CDKL5: variants seen among roughly 807,000 people sequenced by gnomAD.
CDKL5 encodes cyclin-dependent kinase-like 5.
Under a neutral mutation model 61.7 loss-of-function variants are expected in CDKL5, and 8 were observed. The observed-to-expected ratio is 0.13, with a 90% CI of 0.08 to 0.23. The LOEUF (loss-of-function observed/expected upper bound fraction) is 0.23, where lower values mean the gene tolerates loss of function less well. Among genes scored for constraint, CDKL5 ranks in the 10% least tolerant of loss-of-function variants. CDKL5 has a pLI of 1.00. For synonymous variants in CDKL5, 275 were observed against 272.3 expected (o/e 1.01, Z -0.10); for missense variants, 440 against 734.5 (o/e 0.60, Z 4.63).
chrX:18,608,430 G>T (rs183856098), intron 12 of CDKL5, among the ~76,000 whole-genome samples: 70 of 111,848 alleles, frequency 6.3e-4, no homozygotes, highest in African/African-American at 2.2e-3. Context: ...GTTCATTTTG[G>T]AGAACTCAGA....
At chrX:18,611,461 T>G (rs1926551828) in intron 14 of CDKL5, among the ~76,000 whole-genome samples, 1 of 109,771 alleles carries the variant, frequency 9.1e-6, no homozygotes, top group Non-Finnish European at 1.9e-5. Flanking sequence ...AAAAAAGAAT[T>G]TTATGGGACT....
chrX:18,461,858 C>A (rs898173870), intron 1 of CDKL5, among the ~76,000 whole-genome samples: 2 of 111,836 alleles, frequency 1.8e-5, no homozygotes, highest in African/African-American at 6.5e-5. Context: ...TACCATGATA[C>A]AAGACCAACT....
chrX:18,558,661 C>T (rs1434305992), intron 3 of CDKL5, among the ~76,000 whole-genome samples: 2 of 111,505 alleles, frequency 1.8e-5, no homozygotes, highest in Non-Finnish European at 3.8e-5. Flanking sequence ...CCAAATCAGG[C>T]CAGATATCCA....
intron 1 of CDKL5, among the ~76,000 whole-genome samples, chrX:18,494,042 G>A (rs1046442123): frequency 9.0e-6 from 1 of 110,684 alleles, no homozygotes; most frequent in African/African-American, 3.3e-5. Flanking sequence ...AGCCTCCTGA[G>A]TAGCTGGGAG....
rs780312054 is a variant in CDKL5, at chrX:18,478,019, G to A, written c.-162-28916G>A. Among the ~76,000 whole-genome samples, 185 of 110,975 alleles carry A rather than the reference G, an allele frequency of 1.7e-3. 1 individual carries two copies. The highest frequency in any genetic ancestry group is 0.014 in the Middle Eastern group (3 of 214). On this transcript the variant is annotated intron_variant, in intron 1 of 17. Transcript: ENST00000623535. ...TTTAGTGGCCCTTTAACAAAAATTCGTGTGGAGTCATGTTACTGTCTAGTG... is the reference window on the plus strand; with the variant it reads ...TTTAGTGGCCCTTTAACAAAAATTCATGTGGAGTCATGTTACTGTCTAGTG...
At chrX:18,597,391 G>C (rs1242655060) in intron 10 of CDKL5, among the ~76,000 whole-genome samples, 4 of 109,573 alleles carry the variant, frequency 3.7e-5, no homozygotes, top group Non-Finnish European at 7.6e-5. Flanking sequence ...TTTAGTGGGG[G>C]TACAGGTCAC....
intron 20 of CDKL5, chrX:18,647,285 G>C (rs1295195025): frequency 8.3e-7 from 1 of 1,208,732 alleles, no homozygotes; most frequent in African/African-American, 1.8e-5. Context: ...ATCTGGTCCG[G>C]TGTGACCTCC....
At chrX:18,458,915 G>A (rs144580334) in intron 1 of CDKL5, among the ~76,000 whole-genome samples, 242 of 111,431 alleles carry the variant, frequency 2.2e-3, no homozygotes, top group African/African-American at 6.7e-3. Flanking sequence ...CTGGAGGGTT[G>A]GAAAAGCTTT....
Position 18,629,127 on chromosome X carries a change from G to A in CDKL5, c.*370G>A. 3.8e-6 allele frequency: 3 copies of A among 784,066 alleles called. No individual in the cohort carries two copies. The highest frequency in any genetic ancestry group is 4.4e-5 in the African/African-American group (2 of 44,958). The allele number at this position is 784,066 out of a possible 1,213,427, so 64.6% of individuals were successfully genotyped here. On this transcript the variant is annotated 3_prime_UTR_variant, in exon 18 of 18. Transcript: ENST00000623535. Reference sequence around the variant, plus strand: ...TGTGTCCTGGCACTGCAAGGGATAGGAAAGTCGTGTTGACCGATGCCCTTA... The same window carrying A: ...TGTGTCCTGGCACTGCAAGGGATAGAAAAGTCGTGTTGACCGATGCCCTTA...
At chrX:18,487,106 C>T (rs1011665396) in intron 1 of CDKL5, among the ~76,000 whole-genome samples, 10 of 111,999 alleles carry the variant, frequency 8.9e-5, no homozygotes, top group African/African-American at 2.6e-4. Flanking sequence ...GCAAGCATGC[C>T]ATAATAGATG....
rs1927328832 is a variant in CDKL5 at position 18,634,539 on chromosome X, C to T, written c.*5782C>T. ...CCGGAGAATGTGTAAGTAAGTTCTC[C>T]AGCACGGCTTAGGTTTTCCAAAATG... On this transcript the variant is annotated 3_prime_UTR_variant, in exon 18 of 18. Coordinates refer to ENST00000623535, the MANE Select transcript of CDKL5 (RefSeq NM_001323289.2). 1 of 752,557 alleles carries T rather than the reference C, an allele frequency of 1.3e-6. No individual in the cohort carries two copies. Among genetic ancestry groups the T allele is most frequent in the Admixed American group, 8.8e-5 (1 of 11,333 alleles). 62.0% of individuals were successfully genotyped at this position (752,557 alleles called of 1,213,427 possible).
intron 3 of CDKL5, among the ~76,000 whole-genome samples, chrX:18,530,712 T>G (rs1182860868): frequency 8.9e-6 from 1 of 111,817 alleles, no homozygotes; most frequent in East Asian, 2.8e-4. Context: ...TTTTTCTTGC[T>G]TTTTGGCCTG....
Position 18,445,740 on chromosome X carries a change from C to G in CDKL5, c.-163+20045C>G, listed in dbSNP as rs768429703. Among the ~76,000 whole-genome samples, 386 of 111,492 alleles carry G rather than the reference C, an allele frequency of 3.5e-3. 2 individuals are homozygous for G. In the Middle Eastern group the frequency reaches 0.037, roughly 11 times the overall value. On this transcript the variant is annotated intron_variant, in intron 1 of 17. Transcript: ENST00000623535. ...TGCCTTGTGGAGAAGGTGCCTGCTT[C>G]CCCTTCTGCCATGATTGTTAAGTTT...
At chrX:18,648,730 G>A (rs1339280479) in intron 20 of CDKL5, among the ~76,000 whole-genome samples, 2 of 111,628 alleles carry the variant, frequency 1.8e-5, no homozygotes, top group African/African-American at 3.3e-5. Context: ...CTTTTTTCCT[G>A]TTGCCTAGAT....
chrX:18,496,573 C>G (rs1798316089), intron 1 of CDKL5, among the ~76,000 whole-genome samples: 1 of 111,376 alleles, frequency 9.0e-6, no homozygotes, highest in South Asian at 3.8e-4. Flanking sequence ...CTTGGCTGCA[C>G]TATGGAGATT....
At chrX:18,619,049 AAAATTATAAAT>A (rs1180672044) in intron 15 of CDKL5, among the ~76,000 whole-genome samples, 1 of 111,306 alleles carries the variant, frequency 9.0e-6, no homozygotes, top group Admixed American at 9.6e-5. Flanking sequence ...TCTGGCTTTC[AAAATTATAAAT>A]GTATCATTCT....
Position 18,634,805 on chromosome X carries a change from A to G in CDKL5, c.*6048A>G, listed in dbSNP as rs1260377703. ...CCAAGAATTGCTTTGTGCCATTTTG[A>G]ATTCAGGTAGTTATTCTGTATATAC... On this transcript the variant is annotated 3_prime_UTR_variant, in exon 18 of 18. Coordinates refer to ENST00000623535, the MANE Select transcript of CDKL5 (RefSeq NM_001323289.2). 4 of 750,309 alleles carry G rather than the reference A, an allele frequency of 5.3e-6. No homozygotes were observed. The African/African-American group carries it at 7.0e-5, about 13-fold the overall frequency. The allele number at this position is 750,309 out of a possible 1,213,427, so 61.8% of individuals were successfully genotyped here. A position where few individuals can be genotyped will look rare whatever the true frequency, so the allele number is the denominator to read the frequency against.
intron 1 of CDKL5, among the ~76,000 whole-genome samples, chrX:18,446,353 GA>G (rs756223251): frequency 1.0e-5 from 1 of 100,169 alleles, no homozygotes; most frequent in Admixed American, 1.1e-4. Flanking sequence ...CTCTGTCTCA[GA>G]AAAAAAAAAC....
intron 1 of CDKL5, among the ~76,000 whole-genome samples, chrX:18,505,025 GT>G (rs1489815916): frequency 9.0e-6 from 1 of 110,552 alleles, no homozygotes; most frequent in Non-Finnish European, 1.9e-5. Flanking sequence ...AATATTTTGT[GT>G]TGTTACCACT....
Sources: allele counts gnomAD v4.1 joint callset (sites outside exome capture counted in the v4.1 genomes callset), GRCh38; gene constraint gnomAD v4.1.1; transcripts MANE v1.5; gene names NCBI Gene and HGNC (gene_info 2026-07-23, HGNC 2026-07-21).